Variants in ADGRL3 observed in about 807,000 individuals in gnomAD.
ADGRL3 encodes calcium-independent alpha-latrotoxin receptor 3.
In ADGRL3, 62 loss-of-function variants were observed where a neutral mutation model predicts 153.5. That is an observed-to-expected ratio of 0.40 (90% CI 0.33 to 0.50). ADGRL3 has a LOEUF of 0.50. ADGRL3 is among the 20% of genes least tolerant of loss of function. ADGRL3 has a pLI of 0.47. For synonymous variants in ADGRL3, 710 were observed against 672.5 expected (o/e 1.06, Z -0.86); for missense variants, 1,641 against 1,859.4 (o/e 0.88, Z 2.16).
intron 8 of ADGRL3, among the ~76,000 whole-genome samples, chr4:61,806,620 A>T (rs1198039972): frequency 6.6e-6 from 1 of 152,058 alleles, no homozygotes; most frequent in Non-Finnish European, 1.5e-5. Context: ...CTTCCTTGGA[A>T]TTTGATATTT....
chr4:61,383,862 A>G (rs542966592), intron 2 of ADGRL3, among the ~76,000 whole-genome samples: 30 of 151,972 alleles, frequency 2.0e-4, no homozygotes, highest in African/African-American at 7.0e-4. Flanking sequence ...ATATTAATCA[A>G]TCAACAGTTC....
At chr4:61,825,020 G>A (rs1387198204) in intron 9 of ADGRL3, among the ~76,000 whole-genome samples, 1 of 152,020 alleles carries the variant, frequency 6.6e-6, no homozygotes, top group East Asian at 1.9e-4. Context: ...TCTTAGCATC[G>A]ACACTAAGAA....
Position 61,432,638 on chromosome 4 carries a change from CTTTCTTTCTTTCTTTCT to C in ADGRL3, c.-174+49453_-174+49469del, listed in dbSNP as rs1560623491. 5.8e-3 allele frequency among the ~76,000 whole-genome samples: 140 copies of C among 23,952 alleles called. 19 individuals carry two copies. Among genetic ancestry groups the C allele is most frequent in the African/African-American group, 0.015 (124 of 8,224 alleles). 15.7% of individuals were successfully genotyped at this position (23,952 alleles called of 152,430 possible). A position where few individuals can be genotyped will look rare whatever the true frequency, so the allele number is the denominator to read the frequency against. ...TCTTTCTTTCTTTCTTTCTTTCTTT[CTTTCTTTCTTTCTTTCT>C]TTTTTTTTTTTTTTTGAGACAGAAT... On this transcript the variant is annotated intron_variant, in intron 2 of 26. Transcript: ENST00000683033.
intron 1 of ADGRL3, among the ~76,000 whole-genome samples, chr4:61,272,509 A>G (rs1043841145): frequency 3.3e-5 from 5 of 152,124 alleles, no homozygotes; most frequent in African/African-American, 9.7e-5. Flanking sequence ...CTTTATGAGC[A>G]TTCATTTTAA....
At chr4:61,880,707 T>A (rs1040262152) in intron 9 of ADGRL3, among the ~76,000 whole-genome samples, 2 of 152,222 alleles carry the variant, frequency 1.3e-5, no homozygotes, top group Non-Finnish European at 2.9e-5. Flanking sequence ...AAGTATATAC[T>A]CTGTACGCTG....
chr4:61,457,581 C>A (rs1301341411), intron 2 of ADGRL3, among the ~76,000 whole-genome samples: 1 of 151,668 alleles, frequency 6.6e-6, no homozygotes, highest in African/African-American at 2.4e-5. Context: ...AATTAATTGG[C>A]CTTTAATTTA....
At chr4:61,311,423 A>C (rs1283050442) in intron 1 of ADGRL3, among the ~76,000 whole-genome samples, 1 of 152,160 alleles carries the variant, frequency 6.6e-6, no homozygotes, top group East Asian at 1.9e-4. Flanking sequence ...GTCATTTGCA[A>C]CCTTACTGCA....
At chr4:61,892,599 C>G (rs1421825766) in intron 9 of ADGRL3, 57 bp from the exon 10 acceptor site, 1 of 1,279,124 alleles carries the variant, frequency 7.8e-7, no homozygotes. Context: ...ACTAGGACAT[C>G]TTGAGGTCCT....
At chr4:61,410,091 A>C (rs558567077) in intron 2 of ADGRL3, among the ~76,000 whole-genome samples, 2 of 152,164 alleles carry the variant, frequency 1.3e-5, no homozygotes, top group East Asian at 3.9e-4. Flanking sequence ...AATAAGTTAA[A>C]TTGTGAAAGT....
At chr4:61,845,921 G>T (rs912142502) in intron 9 of ADGRL3, among the ~76,000 whole-genome samples, 3 of 152,114 alleles carry the variant, frequency 2.0e-5, no homozygotes, top group African/African-American at 7.2e-5. Flanking sequence ...CTATTAACGT[G>T]TAGTATTTAG....
intron 9 of ADGRL3, among the ~76,000 whole-genome samples, chr4:61,831,345 G>A (rs533735493): frequency 2.2e-5 from 3 of 134,982 alleles, no homozygotes; most frequent in African/African-American, 5.5e-5. Flanking sequence ...AAGAAACCAT[G>A]CATTTTGGAG....
intron 6 of ADGRL3, among the ~76,000 whole-genome samples, chr4:61,714,374 A>AC (rs1362642400): frequency 7.3e-5 from 11 of 151,714 alleles, no homozygotes; most frequent in African/African-American, 2.4e-4. Flanking sequence ...ACACACACAC[A>AC]AACACACACA....
intron 4 of ADGRL3, among the ~76,000 whole-genome samples, chr4:61,545,799 G>A (rs1579447184): frequency 6.6e-6 from 1 of 152,210 alleles, no homozygotes; most frequent in Non-Finnish European, 1.5e-5. Context: ...ACAGGCGTAA[G>A]CTACCGCGCG....
At chr4:62,061,050 C>G (rs1320850947) in intron 25 of ADGRL3, among the ~76,000 whole-genome samples, 1 of 151,842 alleles carries the variant, frequency 6.6e-6, no homozygotes, top group East Asian at 1.9e-4. Context: ...TCCTTTAAAT[C>G]AAGAGGTGTT....
chr4:61,704,976 A>AC (rs1225313586), intron 6 of ADGRL3, among the ~76,000 whole-genome samples: 1 of 152,160 alleles, frequency 6.6e-6, no homozygotes, highest in East Asian at 1.9e-4. Flanking sequence ...GACTTCCTCC[A>AC]CTGAAGTCTT....
chr4:61,223,058 A>C (rs1413070585), intron 1 of ADGRL3, among the ~76,000 whole-genome samples: 3 of 152,168 alleles, frequency 2.0e-5, no homozygotes, highest in Non-Finnish European at 4.4e-5. Flanking sequence ...GATTGAAGGC[A>C]TAACTTTATT....
Position 61,945,740 on chromosome 4 carries a change from A to C in ADGRL3, c.2420-1174A>C, listed in dbSNP as rs375766329. 8.6e-5 allele frequency among the ~76,000 whole-genome samples: 13 copies of C among 151,288 alleles called. No homozygotes were observed. The East Asian group carries it at 2.6e-3, about 30-fold the overall frequency. The stretch of plus-strand genomic sequence containing the variant: ...CCCCTTTCTTTGACTCTGAAAGGGA[A>C]CTCCCTGACCCCTTGCGCTTCCCAG... On this transcript the variant is annotated intron_variant, in intron 15 of 26. Transcript: ENST00000683033.
At chr4:62,012,641 GCCA>G (rs2099191895) in intron 21 of ADGRL3, among the ~76,000 whole-genome samples, 1 of 152,092 alleles carries the variant, frequency 6.6e-6, no homozygotes, top group Non-Finnish European at 1.5e-5. Context: ...TTAAGAGATT[GCCA>G]TTTCAGTAAA....
chr4:62,024,173 G>A (rs1716958852), intron 21 of ADGRL3, among the ~76,000 whole-genome samples: 1 of 152,024 alleles, frequency 6.6e-6, no homozygotes, highest in African/African-American at 2.4e-5. Context: ...TCATTGATCT[G>A]ATATTTATTG....
Sources: gnomAD v4.1 joint callset for allele counts (sites outside exome capture counted in the v4.1 genomes callset) on GRCh38, gnomAD v4.1.1 for gene constraint, MANE v1.5 for transcripts, NCBI Gene and HGNC (gene_info 2026-07-23, HGNC 2026-07-21) for gene names.